Variants in ACTN1 observed in about 807,000 individuals in gnomAD.
The protein encoded by ACTN1 is actinin alpha 1, also known as alpha-actinin-1.
Under a neutral mutation model 119.6 loss-of-function variants are expected in ACTN1, and 30 were observed. The ratio of observed to expected loss-of-function variants is 0.25; its 90% confidence interval spans 0.19 to 0.34. The LOEUF is 0.34. Ranked by LOEUF, ACTN1 falls within the 10% of genes least tolerant of loss-of-function variation. ACTN1 has a pLI of 1.00. For missense variants in ACTN1, 764 were observed against 1,223.4 expected (o/e 0.62, Z 5.60); for synonymous variants, 429 against 472.6 (o/e 0.91, Z 1.20).
chr14:68,934,451 C>T (rs1012157732), intron 1 of ACTN1, among the ~76,000 whole-genome samples: 2 of 152,232 alleles, frequency 1.3e-5, no homozygotes, highest in African/African-American at 4.8e-5. Context: ...ATTACATGTG[C>T]AAAGTAGTTT....
intron 7 of ACTN1, 89 bp from the exon 8 acceptor site, chr14:68,902,651 C>T: frequency 9.0e-7 from 1 of 1,112,716 alleles, no homozygotes; most frequent in Non-Finnish European, 1.3e-6. Context: ...CGCAGCACCA[C>T]CAAGTCTTCT....
At chr14:68,927,521 G>A (rs1200291247) in intron 1 of ACTN1, among the ~76,000 whole-genome samples, 1 of 152,184 alleles carries the variant, frequency 6.6e-6, no homozygotes, top group Non-Finnish European at 1.5e-5. Flanking sequence ...GGAACAAGTG[G>A]GGAACTGGAT....
At chr14:68,902,928 TAAAAC>T (rs1293863180) in intron 7 of ACTN1, among the ~76,000 whole-genome samples, 4 of 152,194 alleles carry the variant, frequency 2.6e-5, no homozygotes, top group Admixed American at 2.0e-4. Flanking sequence ...GGATTCTGAT[TAAAAC>T]AAACCAACCC....
chr14:68,961,413 A>G (rs1054140817), intron 1 of ACTN1, among the ~76,000 whole-genome samples: 29 of 152,334 alleles, frequency 1.9e-4, no homozygotes, highest in Admixed American at 7.2e-4. Flanking sequence ...TAAGATGGTC[A>G]TTTTTCTCCC....
intron 20 of ACTN1, 115 bp from the exon 21 acceptor site, chr14:68,877,355 T>TCCC: frequency 7.6e-7 from 1 of 1,323,664 alleles, no homozygotes; most frequent in Admixed American, 2.2e-5. Context: ...GAAGGGCACA[T>TCCC]CCCCCTGACC....
intron 9 of ACTN1, 103 bp from the exon 10 acceptor site, chr14:68,892,386 G>A (rs1177771564): frequency 2.4e-6 from 3 of 1,224,496 alleles, no homozygotes; most frequent in African/African-American, 3.0e-5. Flanking sequence ...ATGGGGAAGG[G>A]GTCTCTCCTA....
chr14:68,957,316 T>C, intron 1 of ACTN1, among the ~76,000 whole-genome samples: 1 of 152,196 alleles, frequency 6.6e-6, no homozygotes, highest in East Asian at 1.9e-4. Flanking sequence ...AAGAGACACC[T>C]GTGACCTCCA....
In ACTN1 at chr14:68,979,195, C is replaced by T. The variant is rs1254227274; in HGVS notation, c.-139G>A. The T allele has an allele frequency of 3.9e-6, 2 of 516,104 alleles. No individual in the cohort carries two copies. Among genetic ancestry groups the T allele is most frequent in the African/African-American group, 2.0e-5 (1 of 49,228 alleles). 32.0% of individuals were successfully genotyped at this position (516,104 alleles called of 1,614,324 possible). On this transcript the variant is annotated 5_prime_UTR_variant, in exon 1 of 22. Transcript: ENST00000394419. ...CGGGCTCGCTCCCCTGCGCCCGGTTCCGCCGCGGCGCTGCTGGCGAAGGCT... is the reference window on the plus strand; with the variant it reads ...CGGGCTCGCTCCCCTGCGCCCGGTTTCGCCGCGGCGCTGCTGGCGAAGGCT...
At position 68,928,168 on chromosome 14, in the gene ACTN1, G is replaced by A. The variant is rs575108576; in HGVS notation, c.106-2496C>T. Among the ~76,000 whole-genome samples, 4 of 152,322 alleles carry A rather than the reference G, an allele frequency of 2.6e-5. No homozygotes were observed. In the East Asian group the frequency reaches 5.8e-4, roughly 22 times the overall value. Reference sequence around the variant, plus strand: ...ACTGTTTACTACCCAGTCGTGGAGGGGGTTGGGATGAGATAAAGGAGGAAG... The same window carrying A: ...ACTGTTTACTACCCAGTCGTGGAGGAGGTTGGGATGAGATAAAGGAGGAAG... On this transcript the variant is annotated intron_variant, in intron 1 of 21. Coordinates refer to ENST00000394419, the MANE Select transcript of ACTN1 (RefSeq NM_001130004.2).
intron 1 of ACTN1, among the ~76,000 whole-genome samples, chr14:68,926,973 T>C (rs1050927896): frequency 2.0e-5 from 3 of 152,178 alleles, no homozygotes; most frequent in African/African-American, 7.2e-5. Context: ...AGCATTATGA[T>C]ACCCTGTGAC....
intron 1 of ACTN1, among the ~76,000 whole-genome samples, chr14:68,944,099 C>T (rs995598822): frequency 9.2e-5 from 14 of 152,242 alleles, no homozygotes; most frequent in African/African-American, 3.4e-4. Flanking sequence ...CGCTTAAAGC[C>T]AGCCACGAGA....
chr14:68,878,692 C>T lies in ACTN1; in HGVS notation c.2362-169G>A, dbSNP rs1409194215. Reference sequence around the variant, plus strand: ...CATAGGAGAAGATGCGAACACACATCGGTGGAAATGTCCAAAGACAGGAGG... The same window carrying T: ...CATAGGAGAAGATGCGAACACACATTGGTGGAAATGTCCAAAGACAGGAGG... On this transcript the variant is annotated intron_variant, in intron 19 of 21. Transcript: ENST00000394419. This position sits in a 1 kb window ranked among gnomAD's most constrained non-coding sequence, Gnocchi z 4.4. 8 of 1,537,998 alleles carry T rather than the reference C, an allele frequency of 5.2e-6. No homozygotes were observed. The highest frequency in any genetic ancestry group is 7.0e-6 in the Non-Finnish European group (8 of 1,146,838).
At chr14:68,961,100 C>T (rs1252823642) in intron 1 of ACTN1, among the ~76,000 whole-genome samples, 2 of 152,156 alleles carry the variant, frequency 1.3e-5, no homozygotes, top group Non-Finnish European at 2.9e-5. Context: ...CCCTGTTATA[C>T]ACGAGACTTT....
intron 1 of ACTN1, among the ~76,000 whole-genome samples, chr14:68,958,923 G>C (rs1283558907): frequency 3.3e-5 from 5 of 152,214 alleles, no homozygotes; most frequent in African/African-American, 9.7e-5. Context: ...CATCCTTCTG[G>C]AAAGGGAGAG....
chr14:68,893,122 G>C (rs534680733), intron 9 of ACTN1, among the ~76,000 whole-genome samples: 2 of 151,894 alleles, frequency 1.3e-5, no homozygotes, highest in African/African-American at 2.4e-5. Context: ...GCAGCTCAAC[G>C]GGCTGAATTC....
chr14:68,877,707 T>A (rs1003784795), intron 20 of ACTN1: 1 of 162,372 alleles, frequency 6.2e-6, no homozygotes, highest in South Asian at 1.7e-4. Context: ...GGATTTGAAC[T>A]CAGGCAGTCT....
chr14:68,887,224 C>G lies in ACTN1; in HGVS notation c.1235-1649G>C, dbSNP rs770062636. On this transcript the variant is annotated intron_variant, in intron 11 of 21. Transcript: ENST00000394419. ...GGCCCACCAGTTCACAACTGAATAG[C>G]ACGTACACTACATATTCAAATTTGT... 4.7e-4 allele frequency: 135 copies of G among 287,092 alleles called. 1 individual carries two copies. Among genetic ancestry groups the G allele is most frequent in the Admixed American group, 2.1e-3 (42 of 19,670 alleles). 17.8% of individuals were successfully genotyped at this position (287,092 alleles called of 1,614,324 possible).
chr14:68,937,506 T>C (rs1382158396), intron 1 of ACTN1, among the ~76,000 whole-genome samples: 1 of 152,170 alleles, frequency 6.6e-6, no homozygotes, highest in Non-Finnish European at 1.5e-5. Flanking sequence ...TAAAGTGCCT[T>C]ATCAGTGTAA....
At chr14:68,964,346 C>T (rs1247586523) in intron 1 of ACTN1, among the ~76,000 whole-genome samples, 1 of 152,230 alleles carries the variant, frequency 6.6e-6, no homozygotes, top group Non-Finnish European at 1.5e-5. Flanking sequence ...CTCCACTGCT[C>T]AACACAGCAC....
Sources: gnomAD v4.1 joint callset for allele counts (sites outside exome capture counted in the v4.1 genomes callset) on GRCh38, gnomAD v4.1.1 for gene constraint, Gnocchi (gnomAD v3.1) non-coding constraint, MANE v1.5 for transcripts, NCBI Gene and HGNC (gene_info 2026-07-23, HGNC 2026-07-21) for gene names.